Variants in FBN2 observed in about 807,000 individuals in gnomAD.
FBN2 encodes the protein fibrillin 2, also known as fibrillin-2.
FBN2 carries 105 observed loss-of-function variants against 355.6 expected under a neutral mutation model. The observed-to-expected ratio is 0.30, with a 90% CI of 0.25 to 0.35. The LOEUF (loss-of-function observed/expected upper bound fraction) is 0.35. Ranked by LOEUF, FBN2 falls within the 10% of genes least tolerant of loss-of-function variation. The pLI, the probability that FBN2 is intolerant of heterozygous loss-of-function variation, is 1.00. For synonymous variants in FBN2, 1,350 were observed against 1,301.2 expected, an observed-to-expected ratio of 1.04 and a Z score of -0.81; for missense variants, 3,280 against 3,758.7, an observed-to-expected ratio of 0.87 and a Z score of 3.33.
intron 5 of FBN2, among the ~76,000 whole-genome samples, chr5:128,480,784 T>C (rs1228371547): frequency 6.6e-6 from 1 of 152,164 alleles, no homozygotes; most frequent in Non-Finnish European, 1.5e-5. Context: ...TTGTGGCCAT[T>C]AATAAACTAA....
intron 6 of FBN2, among the ~76,000 whole-genome samples, chr5:128,455,915 G>A (rs1375509141): frequency 5.4e-5 from 8 of 148,450 alleles, no homozygotes; most frequent in Non-Finnish European, 8.9e-5. Context: ...AGCCCCCCGG[G>A]GGTTGTGGCG....
chr5:128,376,423 C>G (rs1388216433), intron 14 of FBN2, among the ~76,000 whole-genome samples: 1 of 152,058 alleles, frequency 6.6e-6, no homozygotes, highest in Non-Finnish European at 1.5e-5. Context: ...TTTTCTTCTT[C>G]TTTTTTATTC....
chr5:128,481,347 T>C (rs997572472), intron 5 of FBN2, among the ~76,000 whole-genome samples: 1 of 152,230 alleles, frequency 6.6e-6, no homozygotes, highest in Non-Finnish European at 1.5e-5. Flanking sequence ...CTGTCATCAA[T>C]TTCTGATCAG....
In FBN2 at chr5:128,411,201, G is replaced by A. The variant is rs553448388; in HGVS notation, c.953-2402C>T. ...AGGAACAAACCCTGTACCAGCCCAC[G>A]GCAGTGTCTAGGTGTTGCCGGTGAC... On this transcript the variant is annotated intron_variant, in intron 7 of 64. Coordinates refer to ENST00000262464, the MANE Select transcript of FBN2 (RefSeq NM_001999.4). 5.3e-5 allele frequency among the ~76,000 whole-genome samples: 8 copies of A among 152,232 alleles called. No homozygotes were observed. In the South Asian group the frequency reaches 8.3e-4, roughly 16 times the overall value.
Position 128,280,321 on chromosome 5 carries a change from T to C in FBN2, c.7013-4A>G. ...TTGGTCCTGCATTCATTTTCATCTT[T>C]AGAAAAACAAACAATATGAATAATG... On this transcript the variant is annotated splice_region_variant and splice_polypyrimidine_tract_variant and intron_variant, in intron 55 of 64. Transcript: ENST00000262464. 6.2e-7 allele frequency: 1 copy of C among 1,606,978 alleles called. No homozygotes were observed. Among genetic ancestry groups the C allele is most frequent in the Non-Finnish European group, 8.5e-7 (1 of 1,174,128 alleles).
rs1333135871 is a variant in FBN2 at position 128,463,506 on chromosome 5, C to T, written c.826+1218G>A. Among the ~76,000 whole-genome samples the T allele has an allele frequency of 2.0e-5, 3 of 152,072 alleles. No homozygotes were observed. In the East Asian group the frequency reaches 5.8e-4, roughly 29 times the overall value. On this transcript the variant is annotated intron_variant, in intron 6 of 64. Transcript: ENST00000262464. ...TATATAGTCATCCCCTTGGTATCTC[C>T]GTAGTTCGGATTCAAAATGATTTTA...
Position 128,508,010 on chromosome 5 carries a change from T to A in FBN2, c.628+11263A>T, listed in dbSNP as rs1377056411. 2.6e-5 allele frequency among the ~76,000 whole-genome samples: 4 copies of A among 152,076 alleles called. No individual in the cohort carries two copies. In the East Asian group the frequency reaches 7.7e-4, roughly 29 times the overall value. On this transcript the variant is annotated intron_variant, in intron 5 of 64. Transcript: ENST00000262464. ...TCTTGATTAACTGACCGCTTTATTA[T>A]TATGAAATGGCCTTCTTTATGCCTG...
chr5:128,302,822 C>T (rs1360041585), intron 46 of FBN2, 151 bp downstream of exon 46: 5 of 651,516 alleles, frequency 7.7e-6, no homozygotes, highest in Middle Eastern at 3.3e-4. Flanking sequence ...TTTCAGTTAA[C>T]TAGAAACCAG....
In FBN2 at chr5:128,289,342, G is replaced by C. The variant is rs6883446; in HGVS notation, c.6512-90C>G. 8.6e-3 allele frequency: 11,865 copies of C among 1,378,696 alleles called. 810 individuals are homozygous for C. The African/African-American group carries it at 0.14, about 17-fold the overall frequency. The allele number at this position is 1,378,696 out of a possible 1,614,324, so 85.4% of individuals were successfully genotyped here. ...TCATGCTTATAAATCCCAGCACTTT[G>C]GGAGGCCGAGGTGGGTGGATCACCT... On this transcript the variant is annotated intron_variant, in intron 51 of 64. Coordinates refer to ENST00000262464, the MANE Select transcript of FBN2 (RefSeq NM_001999.4).
intron 4 of FBN2, among the ~76,000 whole-genome samples, chr5:128,527,119 G>A (rs1756581430): frequency 6.6e-6 from 1 of 152,058 alleles, no homozygotes; most frequent in Non-Finnish European, 1.5e-5. Flanking sequence ...TTCAATTTCA[G>A]AAATAACACT....
intron 5 of FBN2, among the ~76,000 whole-genome samples, chr5:128,478,155 T>C (rs1000045244): frequency 2.0e-4 from 31 of 152,220 alleles, no homozygotes; most frequent in African/African-American, 6.8e-4. Context: ...TCTGAGTGGA[T>C]GAACTATGAG....
At chr5:128,432,331 A>G (rs1753648700) in intron 7 of FBN2, among the ~76,000 whole-genome samples, 1 of 152,208 alleles carries the variant, frequency 6.6e-6, no homozygotes, top group Admixed American at 6.5e-5. Context: ...CACTAAGAAA[A>G]TAGTGGTAAA....
intron 15 of FBN2, among the ~76,000 whole-genome samples, chr5:128,370,032 T>C (rs973443225): frequency 2.0e-5 from 3 of 152,232 alleles, no homozygotes; most frequent in African/African-American, 7.2e-5. Context: ...CCTATGTAGT[T>C]TGAAGTCCTT....
chr5:128,415,710 A>T (rs1753178526), intron 7 of FBN2, among the ~76,000 whole-genome samples: 1 of 152,108 alleles, frequency 6.6e-6, no homozygotes, highest in South Asian at 2.1e-4. Context: ...CCTTTGAATA[A>T]ATGCTATGTA....
chr5:128,454,870 T>C (rs1754342079), intron 6 of FBN2, among the ~76,000 whole-genome samples: 1 of 152,216 alleles, frequency 6.6e-6, no homozygotes, highest in South Asian at 2.1e-4. Flanking sequence ...TTGGCATCAA[T>C]GTTATTATCA....
intron 5 of FBN2, among the ~76,000 whole-genome samples, chr5:128,470,975 T>C (rs1323467645): frequency 2.6e-5 from 4 of 151,896 alleles, no homozygotes; most frequent in Non-Finnish European, 5.9e-5. Flanking sequence ...GGTATCATTA[T>C]CACTTTGGTA....
chr5:128,301,527 G>A lies in FBN2; in HGVS notation c.5918-17C>T, dbSNP rs1581200404. The A allele has an allele frequency of 6.2e-7, 1 of 1,611,622 alleles. No homozygotes were observed. Among genetic ancestry groups the A allele is most frequent in the African/African-American group, 1.3e-5 (1 of 74,996 alleles). On this transcript the variant is annotated splice_polypyrimidine_tract_variant and intron_variant, in intron 46 of 64. Coordinates refer to ENST00000262464, the MANE Select transcript of FBN2 (RefSeq NM_001999.4). The stretch of plus-strand genomic sequence containing the variant: ...CATCTATGTCTGTAAGCAAACAGGA[G>A]TATGTTTTTCAGAAAGAGCTCTTAA...
chr5:128,434,254 A>T (rs1753709712), intron 7 of FBN2, among the ~76,000 whole-genome samples: 1 of 151,464 alleles, frequency 6.6e-6, no homozygotes, highest in African/African-American at 2.4e-5. Context: ...AAGAAAGACA[A>T]TTCAAGCATT....
intron 5 of FBN2, among the ~76,000 whole-genome samples, chr5:128,506,548 T>G (rs1755967557): frequency 6.6e-6 from 1 of 152,120 alleles, no homozygotes; most frequent in African/African-American, 2.4e-5. Context: ...TCCAGTAGAT[T>G]TTTGTAAAGT....
Sources: allele counts gnomAD v4.1 joint callset (sites outside exome capture counted in the v4.1 genomes callset), GRCh38; gene constraint gnomAD v4.1.1; transcripts MANE v1.5; gene names NCBI Gene and HGNC (gene_info 2026-07-23, HGNC 2026-07-21).